PLA2G2F: variants seen among roughly 807,000 people sequenced by gnomAD.
PLA2G2F encodes the protein group IIF secretory phospholipase A2.
PLA2G2F carries 17 observed loss-of-function variants against 15.9 expected under a neutral mutation model. That is an observed-to-expected ratio of 1.07 (90% CI 0.73 to 1.60). PLA2G2F has a LOEUF of 1.60. Among genes scored for constraint, PLA2G2F ranks in the 40% most tolerant of loss-of-function variants. The probability of loss-of-function intolerance (pLI) is 0.00; values close to 1 mark genes in which losing one functional copy is unlikely to be tolerated. For synonymous variants in PLA2G2F, 119 were observed against 106.5 expected, an observed-to-expected ratio of 1.12 and a Z score of -0.72; for missense variants, 299 against 278.2, an observed-to-expected ratio of 1.07 and a Z score of -0.53.
rs778936508 is a variant in PLA2G2F, at chr1:20,143,597, A to G, written c.314+7A>G. 1.4e-5 allele frequency: 22 copies of G among 1,612,986 alleles called. No homozygotes were observed. The highest frequency in any genetic ancestry group is 1.8e-5 in the Non-Finnish European group (21 of 1,179,372). On this transcript the variant is annotated splice_region_variant and intron_variant, in intron 3 of 4. Coordinates refer to ENST00000375102, the MANE Select transcript of PLA2G2F (RefSeq NM_022819.4). ...CCAAGGATGAGGTGGACTGGTAGGT[A>G]CCAGAGGCCTGGGCTCCTGTCAGGG...
intron 2 of PLA2G2F, chr1:20,142,614 G>C (rs1011382984): frequency 3.9e-5 from 6 of 152,642 alleles, no homozygotes; most frequent in African/African-American, 1.4e-4. Context: ...CCATGAAGCT[G>C]ATTTCGCTGG....
Position 20,144,692 on chromosome 1 carries a change from G to T in PLA2G2F, c.424+3G>T. 2 of 1,592,818 alleles carry T rather than the reference G, an allele frequency of 1.3e-6. No homozygotes were observed. Among genetic ancestry groups the T allele is most frequent in the Non-Finnish European group, 1.7e-6 (2 of 1,167,264 alleles). ...GAACAACACTGAGATAGTCTGCAGT[G>T]AGTCCCTCCCCTGTCACCTGGGCCC... On this transcript the variant is annotated splice_donor_region_variant and intron_variant, in intron 4 of 4. Coordinates refer to ENST00000375102, the MANE Select transcript of PLA2G2F (RefSeq NM_022819.4).
chr1:20,143,611 C>A (rs779703232), intron 3 of PLA2G2F, 21 bp downstream of exon 3: 1 of 1,610,178 alleles, frequency 6.2e-7, no homozygotes. Context: ...GAGGCCTGGG[C>A]TCCTGTCAGG....
Position 20,148,625 on chromosome 1 carries a change from TG to T in PLA2G2F, c.*227del, listed in dbSNP as rs1224119842. 16 of 587,632 alleles carry T rather than the reference TG, an allele frequency of 2.7e-5. No individual in the cohort carries two copies. Among genetic ancestry groups the T allele is most frequent in the Non-Finnish European group, 4.6e-5 (15 of 329,518 alleles). The allele number at this position is 587,632 out of a possible 1,614,324, so 36.4% of individuals were successfully genotyped here. A position where few individuals can be genotyped will look rare whatever the true frequency, so the allele number is the denominator to read the frequency against. Reference sequence around the variant, plus strand: ...GTGCCTCCTGCTGCTGGTTCTGGACTGGGTGGGAGGCACGGAGCTTATAGGG... The same window carrying T: ...GTGCCTCCTGCTGCTGGTTCTGGACTGGTGGGAGGCACGGAGCTTATAGGG... On this transcript the variant is annotated 3_prime_UTR_variant, in exon 5 of 5. Coordinates refer to ENST00000375102, the MANE Select transcript of PLA2G2F (RefSeq NM_022819.4).
chr1:20,139,387 C>A lies in PLA2G2F; in HGVS notation c.-41C>A. On this transcript the variant is annotated 5_prime_UTR_variant, in exon 1 of 5. Coordinates refer to ENST00000375102, the MANE Select transcript of PLA2G2F (RefSeq NM_022819.4). ...CGCAGCCTCTGGAGCGCATCTCAGA[C>A]CTTCTGAGACCTATGTTGCTGGCCC... 2 of 1,464,956 alleles carry A rather than the reference C, an allele frequency of 1.4e-6. No homozygotes were observed. Among genetic ancestry groups the A allele is most frequent in the Non-Finnish European group, 9.4e-7 (1 of 1,068,242 alleles). 90.7% of individuals were successfully genotyped at this position (1,464,956 alleles called of 1,614,324 possible).
rs560036894 is a variant in PLA2G2F, at chr1:20,148,824, A to G, written c.*423A>G. 5.7e-6 allele frequency: 1 copy of G among 176,926 alleles called. No individual in the cohort carries two copies. The highest frequency in any genetic ancestry group is 1.4e-4 in the South Asian group (1 of 7,290). The allele number at this position is 176,926 out of a possible 1,614,324, so 11.0% of individuals were successfully genotyped here. On this transcript the variant is annotated 3_prime_UTR_variant, in exon 5 of 5. Transcript: ENST00000375102. ...CTGGATGCATCCTCGGCCCAAGATC[A>G]CAGGAAGGCAGATTGCTGGTCACAA...
chr1:20,141,113 G>A (rs1486710702), intron 2 of PLA2G2F: 3 of 152,270 alleles, frequency 2.0e-5, no homozygotes, highest in East Asian at 1.9e-4. Context: ...TTATTGAGAA[G>A]ACGACTGCTT....
chr1:20,143,749 T>A (rs2017528163), intron 3 of PLA2G2F, 159 bp downstream of exon 3: 1 of 927,324 alleles, frequency 1.1e-6, no homozygotes, highest in Admixed American at 2.9e-5. Flanking sequence ...TTTGACTATG[T>A]TCTTTCCAAA....
intron 2 of PLA2G2F, chr1:20,140,485 T>C (rs1236472830): frequency 1.0e-5 from 5 of 480,400 alleles, no homozygotes; most frequent in African/African-American, 9.7e-5. Context: ...GCTGGGCATT[T>C]GTGTACCTGA....
chr1:20,143,412 C>A, intron 2 of PLA2G2F, 34 bp from the exon 3 acceptor site: 4 of 1,603,918 alleles, frequency 2.5e-6, no homozygotes, highest in South Asian at 1.1e-5. Flanking sequence ...AGCCCCGGGG[C>A]AGGGGCTCAG....
Position 20,140,279 on chromosome 1 carries a change from C to G in PLA2G2F, c.169+61C>G, listed in dbSNP as rs2017432613. The G allele has an allele frequency of 5.7e-6, 9 of 1,573,646 alleles. No homozygotes were observed. In the Admixed American group the frequency reaches 1.5e-4, roughly 27 times the overall value. ...CCACTCCCAGCTTGTCTCCCGTGAC[C>G]TTGGGCGCCTGAGTTATGGTTCCAC... On this transcript the variant is annotated intron_variant, in intron 2 of 4. Coordinates refer to ENST00000375102, the MANE Select transcript of PLA2G2F (RefSeq NM_022819.4).
intron 3 of PLA2G2F, 134 bp downstream of exon 3, chr1:20,143,724 G>A: frequency 8.7e-7 from 1 of 1,143,184 alleles, no homozygotes. Flanking sequence ...ATGACTTGGT[G>A]ACCAGAGCCT....
chr1:20,143,774 T>G, intron 3 of PLA2G2F, 184 bp downstream of exon 3: 637 of 622,142 alleles, frequency 1.0e-3, no homozygotes, highest in East Asian at 1.6e-3. Flanking sequence ...TTTGAGCGCT[T>G]TCTGTTGTCC....
intron 1 of PLA2G2F, 84 bp downstream of exon 1, chr1:20,139,627 C>A: frequency 9.4e-7 from 1 of 1,067,696 alleles, no homozygotes; most frequent in South Asian, 1.7e-5. Context: ...ATCCCTTTCT[C>A]CTAAGAGTCC....
chr1:20,148,318 A>G lies in PLA2G2F; in HGVS notation c.553A>G (p.Thr185Ala). 2 of 1,613,636 alleles carry G rather than the reference A, an allele frequency of 1.2e-6. No homozygotes were observed. Among genetic ancestry groups the G allele is most frequent in the Non-Finnish European group, 1.7e-6 (2 of 1,179,876 alleles). The change falls in exon 5 of 5, where the codon ACG becomes GCG. Residue 185 changes from threonine (T) to alanine (A), a missense_variant. Transcript: ENST00000375102. ...GFLNVYCQGP[T>A]PNCSIYEPPP... ...CCTCAATGTCTACTGCCAGGGCCCCACGCCCAACTGCAGCATCTATGAACC... is the reference window on the plus strand; with the variant it reads ...CCTCAATGTCTACTGCCAGGGCCCCGCGCCCAACTGCAGCATCTATGAACC...
Position 20,140,202 on chromosome 1 carries a change from C to A in PLA2G2F, c.153C>A (p.Ala51=), listed in dbSNP as rs2017430835. 1 of 1,613,798 alleles carries A rather than the reference C, an allele frequency of 6.2e-7. No homozygotes were observed. Among genetic ancestry groups the A allele is most frequent in the Non-Finnish European group, 8.5e-7 (1 of 1,179,872 alleles). The change falls in exon 2 of 5, where the codon GCC becomes GCA. Residue 51 remains alanine, a synonymous_variant. Coordinates refer to ENST00000375102, the MANE Select transcript of PLA2G2F (RefSeq NM_022819.4). ...GTATGAAGAAGTTCTTCACCGTGGCCATCCTTGCTGGCAGCGGTGAGTAAA... is the reference window on the plus strand; with the variant it reads ...GTATGAAGAAGTTCTTCACCGTGGCAATCCTTGCTGGCAGCGGTGAGTAAA... ...SLGMKKFFTV[A]ILAGSVLSTA...
At position 20,143,638 on chromosome 1, in the gene PLA2G2F, C is replaced by G. The variant is rs1261347168; in HGVS notation, c.314+48C>G. ...CCTGTCAGGGGCCAAATGAGGACAGCTGAAGGTCAGACTGACCTTGCCCTC... is the reference window on the plus strand; with the variant it reads ...CCTGTCAGGGGCCAAATGAGGACAGGTGAAGGTCAGACTGACCTTGCCCTC... On this transcript the variant is annotated intron_variant, in intron 3 of 4. Transcript: ENST00000375102. 3.1e-6 allele frequency: 5 copies of G among 1,596,598 alleles called. No homozygotes were observed. In the East Asian group the frequency reaches 6.7e-5, roughly 22 times the overall value.
At position 20,146,396 on chromosome 1, in the gene PLA2G2F, G is replaced by A. The variant is rs755641117; in HGVS notation, c.424+1707G>A. ...TCCTAGGACGCCCAGTGTTTCCAGG[G>A]ATCCAAGGTATTAGCACCTGGCCTG... On this transcript the variant is annotated intron_variant, in intron 4 of 4. Coordinates refer to ENST00000375102, the MANE Select transcript of PLA2G2F (RefSeq NM_022819.4). Among the ~76,000 whole-genome samples the A allele has an allele frequency of 3.9e-5, 6 of 152,312 alleles. No individual in the cohort carries two copies. In the South Asian group the frequency reaches 1.2e-3, roughly 32 times the overall value.
At chr1:20,145,169 A>G (rs1158758783) in intron 4 of PLA2G2F, among the ~76,000 whole-genome samples, 1 of 152,216 alleles carries the variant, frequency 6.6e-6, no homozygotes, top group African/African-American at 2.4e-5. Flanking sequence ...TTAATATTAA[A>G]TATGTCCTAA....
Sources: gnomAD v4.1 joint callset for allele counts (sites outside exome capture counted in the v4.1 genomes callset) on GRCh38, gnomAD v4.1.1 for gene constraint, MANE v1.5 for transcripts, NCBI Gene and HGNC (gene_info 2026-07-23, HGNC 2026-07-21) for gene names.